CUL3: variants seen among roughly 807,000 people sequenced by gnomAD.
CUL3 encodes the protein cullin-3.
Under a neutral mutation model 89.1 loss-of-function variants are expected in CUL3, and 19 were observed. The ratio of observed to expected loss-of-function variants is 0.21; its 90% CI spans 0.15 to 0.31. The LOEUF is 0.31. CUL3 is among the 10% of genes least tolerant of loss of function. CUL3 has a pLI of 1.00. For missense variants in CUL3, 469 were observed against 942.3 expected (o/e 0.50, Z 6.58); for synonymous variants, 351 against 308.4 (o/e 1.14, Z -1.45).
intron 2 of CUL3, among the ~76,000 whole-genome samples, chr2:224,540,153 T>C (rs1051000034): frequency 2.0e-5 from 3 of 151,650 alleles, no homozygotes; most frequent in African/African-American, 7.3e-5. Context: ...GTCTCCCAGG[T>C]TTAAGCCATT....
chr2:224,583,501 G>A (rs968280063), intron 1 of CUL3, among the ~76,000 whole-genome samples: 5 of 152,050 alleles, frequency 3.3e-5, no homozygotes, highest in Admixed American at 2.0e-4. Context: ...CAATTATAAG[G>A]GAAAACATAC....
Position 224,503,701 on chromosome 2 carries a change from T to C in CUL3, c.1328A>G (p.Asn443Ser). Residue 443 changes from asparagine (N) to serine (S), a missense_variant, in exon 9 of 16, where the codon AAT becomes AGT. Physicochemically the swap from Asn to Ser is conservative, Grantham distance 46. Around this residue, in one of 4 missense-constraint regions of CUL3, gnomAD observed 370 missense variants for 733.2 expected, o/e 0.50. Transcript: ENST00000264414. ...KQHLARRLLT[N>S]KSVSDDSEKN... Reference sequence around the variant, plus strand: ...TTCAGAGTCATCAGAAACACTTTTATTTGTGAGAAGTCTCCTTGCCAAGTG... The same window carrying C: ...TTCAGAGTCATCAGAAACACTTTTACTTGTGAGAAGTCTCCTTGCCAAGTG... 6.2e-7 allele frequency: 1 copy of C among 1,602,918 alleles called. No individual in the cohort carries two copies. The highest frequency in any genetic ancestry group is 8.5e-7 in the Non-Finnish European group (1 of 1,177,146).
chr2:224,493,109 T>C (rs565954497), intron 13 of CUL3, among the ~76,000 whole-genome samples: 43 of 152,288 alleles, frequency 2.8e-4, no homozygotes, highest in African/African-American at 9.9e-4. Flanking sequence ...AAGCCAGAAC[T>C]ACCCAACTGA....
At chr2:224,528,904 A>G (rs1156520525) in intron 3 of CUL3, among the ~76,000 whole-genome samples, 1 of 152,154 alleles carries the variant, frequency 6.6e-6, no homozygotes, top group Non-Finnish European at 1.5e-5. Flanking sequence ...GCTGTTTGTG[A>G]AAATGACTGG....
chr2:224,493,485 T>TAG, intron 13 of CUL3, among the ~76,000 whole-genome samples: 1 of 152,366 alleles, frequency 6.6e-6, no homozygotes, highest in East Asian at 1.9e-4. Flanking sequence ...TGGCATTCTA[T>TAG]ATACACTACA....
chr2:224,540,398 T>C (rs1343338713), intron 2 of CUL3, among the ~76,000 whole-genome samples: 1 of 151,078 alleles, frequency 6.6e-6, no homozygotes, highest in African/African-American at 2.4e-5. Context: ...AACCAAACTT[T>C]ATATTTAAAA....
At chr2:224,475,715 C>CCCT (rs2106136875) in intron 15 of CUL3, among the ~76,000 whole-genome samples, 1 of 152,260 alleles carries the variant, frequency 6.6e-6, no homozygotes, top group East Asian at 1.9e-4. Flanking sequence ...TCGACTTGCT[C>CCCT]CCTCCCCTGT....
At chr2:224,488,167 C>T (rs1178392240) in intron 13 of CUL3, among the ~76,000 whole-genome samples, 1 of 152,008 alleles carries the variant, frequency 6.6e-6, no homozygotes, top group Non-Finnish European at 1.5e-5. Flanking sequence ...AATTGACACC[C>T]TAACATCACA....
At chr2:224,539,426 T>C (rs1228701196) in intron 2 of CUL3, among the ~76,000 whole-genome samples, 1 of 152,206 alleles carries the variant, frequency 6.6e-6, no homozygotes, top group Non-Finnish European at 1.5e-5. Flanking sequence ...ACTCTTACCA[T>C]ATAATCTGGC....
At chr2:224,498,034 T>A (rs935852024) in intron 11 of CUL3, among the ~76,000 whole-genome samples, 185 bp from the exon 12 acceptor site, 1 of 151,888 alleles carries the variant, frequency 6.6e-6, no homozygotes, top group African/African-American at 2.4e-5. Context: ...CTTGAGAGAG[T>A]CCTAAGTAAC....
rs553082343 is a variant in CUL3, at chr2:224,518,376, T to TG, written c.379-3605dup. 4.0e-3 allele frequency among the ~76,000 whole-genome samples: 612 copies of TG among 152,354 alleles called. 7 individuals are homozygous for TG. Among genetic ancestry groups the TG allele is most frequent in the African/African-American group, 0.014 (596 of 41,576 alleles). On this transcript the variant is annotated intron_variant, in intron 3 of 15. Coordinates refer to ENST00000264414, the MANE Select transcript of CUL3 (RefSeq NM_003590.5). ...CACATTTTGCTTATCTATAAGCTGA[T>TG]GGATACTTTGGGTTGTTTCCATTTT...
At chr2:224,581,824 C>CACTT (rs1695447435) in intron 1 of CUL3, among the ~76,000 whole-genome samples, 1 of 151,890 alleles carries the variant, frequency 6.6e-6, no homozygotes, top group Non-Finnish European at 1.5e-5. Context: ...CGGCCGAGTG[C>CACTT]TTGACACTTT....
At chr2:224,581,205 A>C (rs1197000650) in intron 1 of CUL3, among the ~76,000 whole-genome samples, 1 of 151,712 alleles carries the variant, frequency 6.6e-6, no homozygotes, top group Non-Finnish European at 1.5e-5. Context: ...GACCAGCCTG[A>C]CCAACATGGT....
intron 13 of CUL3, among the ~76,000 whole-genome samples, chr2:224,492,502 T>C (rs1318364604): frequency 6.6e-6 from 1 of 152,172 alleles, no homozygotes; most frequent in Non-Finnish European, 1.5e-5. Flanking sequence ...TTAACAAAAA[T>C]ATGTATTAAT....
intron 2 of CUL3, among the ~76,000 whole-genome samples, chr2:224,548,356 T>C (rs1422998306): frequency 6.6e-6 from 1 of 152,104 alleles, no homozygotes; most frequent in Non-Finnish European, 1.5e-5. Flanking sequence ...TATTCTGGCT[T>C]CCTCCCATTC....
intron 1 of CUL3, among the ~76,000 whole-genome samples, chr2:224,576,096 C>G (rs1039230829): frequency 3.9e-5 from 6 of 152,042 alleles, no homozygotes; most frequent in African/African-American, 1.4e-4. Context: ...AGGGAGAGAG[C>G]AGGAGAGTAA....
At chr2:224,549,872 ACACACG>A (rs745542480) in intron 2 of CUL3, among the ~76,000 whole-genome samples, 5 of 152,080 alleles carry the variant, frequency 3.3e-5, no homozygotes, top group Non-Finnish European at 7.4e-5. Context: ...GCACACACAC[ACACACG>A]CACACACACA....
At chr2:224,577,137 AAT>A (rs772152646) in intron 1 of CUL3, among the ~76,000 whole-genome samples, 5 of 152,240 alleles carry the variant, frequency 3.3e-5, no homozygotes, top group Non-Finnish European at 5.9e-5. Flanking sequence ...TTGGTATAAT[AAT>A]AGTTAACTAT....
intron 1 of CUL3, among the ~76,000 whole-genome samples, chr2:224,570,929 C>T (rs1014878690): frequency 6.6e-6 from 1 of 152,128 alleles, no homozygotes; most frequent in Non-Finnish European, 1.5e-5. Flanking sequence ...TATTTAAGTC[C>T]ATTTAAGTCA....
Sources: gnomAD v4.1 joint callset for allele counts (sites outside exome capture counted in the v4.1 genomes callset) on GRCh38, gnomAD v4.1.1 for gene constraint, gnomAD v4.1.1 regional missense constraint, MANE v1.5 for transcripts, NCBI Gene and HGNC (gene_info 2026-07-23, HGNC 2026-07-21) for gene names.